The following TPRG1 variants were observed in gnomAD, a reference collection of about 807,000 sequenced individuals.
TPRG1 encodes tumor protein p63 regulated 1, also known as tumor protein p63-regulated gene 1 protein.
Under a neutral mutation model 29.3 loss-of-function variants are expected in TPRG1, and 29 were observed. The observed-to-expected ratio is 0.99, with a 90% CI of 0.74 to 1.35. The LOEUF (loss-of-function observed/expected upper bound fraction) is 1.35. Ranked by LOEUF, TPRG1 falls within the 40% of genes most tolerant of loss-of-function variation. TPRG1 has a pLI of 0.00. For synonymous variants in TPRG1, 130 were observed against 116.8 expected (o/e 1.11, Z -0.73); for missense variants, 327 against 335.0 (o/e 0.98, Z 0.19).
intron 1 of TPRG1, among the ~76,000 whole-genome samples, chr3:189,117,034 A>C (rs1721259396): frequency 6.6e-6 from 1 of 152,146 alleles, no homozygotes; most frequent in South Asian, 2.1e-4. Flanking sequence ...TACTTTTCAT[A>C]CCAGTTCGCC....
chr3:189,059,084 T>C (rs1025551441), intron 4 of TPRG1, among the ~76,000 whole-genome samples: 3 of 152,182 alleles, frequency 2.0e-5, no homozygotes, highest in Admixed American at 2.0e-4. Context: ...TTCTGTGATA[T>C]TGGGCAAGTT....
At chr3:189,023,551 T>C (rs1206075507) in intron 3 of TPRG1, among the ~76,000 whole-genome samples, 1 of 152,196 alleles carries the variant, frequency 6.6e-6, no homozygotes, top group Non-Finnish European at 1.5e-5. Context: ...TGGAGAGGTG[T>C]TGCAGTCATT....
chr3:189,237,861 AC>A (rs1007695411), intron 3 of TPRG1, among the ~76,000 whole-genome samples: 1 of 152,180 alleles, frequency 6.6e-6, no homozygotes, highest in Non-Finnish European at 1.5e-5. Context: ...TTAGGGAAAA[AC>A]AAAACATGTA....
chr3:189,298,650 C>A (rs1720335908), intron 4 of TPRG1, among the ~76,000 whole-genome samples: 4 of 152,132 alleles, frequency 2.6e-5, no homozygotes. Flanking sequence ...ACAGAATACC[C>A]AACCCTTGCT....
At chr3:189,229,423 TAGAC>T (rs1325672052) in intron 3 of TPRG1, among the ~76,000 whole-genome samples, 4 of 152,100 alleles carry the variant, frequency 2.6e-5, no homozygotes, top group Non-Finnish European at 5.9e-5. Flanking sequence ...GTTAAGTCAT[TAGAC>T]AGCCTGTGAC....
At chr3:188,999,832 CACATATAT>C (rs1711946206) in intron 1 of TPRG1, among the ~76,000 whole-genome samples, 1 of 152,026 alleles carries the variant, frequency 6.6e-6, no homozygotes. Flanking sequence ...AACACTCTTT[CACATATAT>C]ACATATATAC....
chr3:189,249,183 T>C (rs1316636092), intron 4 of TPRG1, among the ~76,000 whole-genome samples: 1 of 151,762 alleles, frequency 6.6e-6, no homozygotes, highest in Admixed American at 6.6e-5. Context: ...ATATGGCTAC[T>C]TGATTTGTCA....
chr3:189,287,975 TA>T (rs919452146), intron 4 of TPRG1, among the ~76,000 whole-genome samples: 14 of 151,682 alleles, frequency 9.2e-5, no homozygotes, highest in Admixed American at 4.6e-4. Flanking sequence ...ATTTTTAAAT[TA>T]AAAAAATTTA....
At chr3:189,308,442 G>C (rs1721952994) in intron 4 of TPRG1, among the ~76,000 whole-genome samples, 3 of 152,202 alleles carry the variant, frequency 2.0e-5, no homozygotes, top group African/African-American at 7.2e-5. Flanking sequence ...GTCTTTCATA[G>C]CACTGTGATA....
At chr3:189,018,410 A>G (rs1344110598) in intron 3 of TPRG1, among the ~76,000 whole-genome samples, 3 of 147,468 alleles carry the variant, frequency 2.0e-5, no homozygotes, top group Non-Finnish European at 3.0e-5. Context: ...TTTTTGTATA[A>G]GGTGTAAGGA....
chr3:189,123,360 T>C (rs1361969213), intron 1 of TPRG1, among the ~76,000 whole-genome samples: 4 of 152,212 alleles, frequency 2.6e-5, no homozygotes, highest in African/African-American at 7.2e-5. Flanking sequence ...GCAAGAAATA[T>C]ATTTGATTCA....
At chr3:189,308,846 C>T (rs758403866) in intron 4 of TPRG1, among the ~76,000 whole-genome samples, 1 of 151,994 alleles carries the variant, frequency 6.6e-6, no homozygotes, top group Non-Finnish European at 1.5e-5. Context: ...ATCCAGAATG[C>T]TCCATTTACC....
At chr3:189,020,564 G>C (rs1352860455) in intron 3 of TPRG1, among the ~76,000 whole-genome samples, 2 of 151,026 alleles carry the variant, frequency 1.3e-5, no homozygotes, top group East Asian at 1.9e-4. Flanking sequence ...TTAATCCTGA[G>C]TTCTAGTTTG....
At chr3:189,007,469 G>C (rs1423030264) in intron 3 of TPRG1, among the ~76,000 whole-genome samples, 95 of 151,644 alleles carry the variant, frequency 6.3e-4, no homozygotes, top group African/African-American at 1.3e-3. Context: ...CTAGTTCAAC[G>C]ATTGTGGAAG....
chr3:189,247,382 A>G (rs1741517434), intron 4 of TPRG1, among the ~76,000 whole-genome samples: 1 of 152,030 alleles, frequency 6.6e-6, no homozygotes, highest in African/African-American at 2.4e-5. Flanking sequence ...TCTTTTACCT[A>G]AGTTAGCATA....
At chr3:189,060,066 C>G (rs1301863072) in intron 4 of TPRG1, among the ~76,000 whole-genome samples, 2 of 152,118 alleles carry the variant, frequency 1.3e-5, no homozygotes, top group Admixed American at 6.5e-5. Flanking sequence ...AACCCAGTCT[C>G]TACTAAAAAT....
At chr3:189,234,500 T>A (rs1248732575) in intron 3 of TPRG1, among the ~76,000 whole-genome samples, 3 of 152,256 alleles carry the variant, frequency 2.0e-5, no homozygotes, top group African/African-American at 7.2e-5. Flanking sequence ...TATCCTGCTC[T>A]TTCTCACTAT....
At chr3:189,291,940 A>C (rs956501671) in intron 4 of TPRG1, among the ~76,000 whole-genome samples, 2 of 152,200 alleles carry the variant, frequency 1.3e-5, no homozygotes, top group Admixed American at 1.3e-4. Context: ...AGCTCTGGGT[A>C]GGCTTCTACT....
At chr3:189,172,878 A>G (rs529118348) in intron 1 of TPRG1, among the ~76,000 whole-genome samples, 1 of 152,336 alleles carries the variant, frequency 6.6e-6, no homozygotes, top group East Asian at 1.9e-4. Flanking sequence ...CAAATGTCAG[A>G]GGCAGCGTAG....
Sources: allele counts gnomAD v4.1 joint callset (sites outside exome capture counted in the v4.1 genomes callset), GRCh38; gene constraint gnomAD v4.1.1; transcripts MANE v1.5; gene names NCBI Gene and HGNC (gene_info 2026-07-23, HGNC 2026-07-21).